The following FRK variants were observed in gnomAD, a reference collection of about 807,000 sequenced individuals.
FRK encodes fyn related Src family tyrosine kinase.
A neutral mutation model predicts 56.4 loss-of-function variants in FRK; 51 were observed. That is an observed-to-expected ratio of 0.90 (90% CI 0.72 to 1.14). FRK has a LOEUF of 1.14. FRK is among the 50% of genes most tolerant of loss of function. The pLI is 0.00. For missense variants in FRK, 570 were observed against 601.4 expected (o/e 0.95, Z 0.55); for synonymous variants, 245 against 217.9 (o/e 1.12, Z -1.10).
intron 5 of FRK, among the ~76,000 whole-genome samples, chr6:115,949,925 A>G (rs761817268): frequency 1.3e-5 from 2 of 152,192 alleles, no homozygotes; most frequent in Non-Finnish European, 2.9e-5. Context: ...AAAACAACCA[A>G]TGGGGAAAGG....
intron 2 of FRK, among the ~76,000 whole-genome samples, chr6:115,984,755 A>T (rs1007841836): frequency 3.7e-5 from 2 of 54,014 alleles, no homozygotes; most frequent in African/African-American, 1.3e-4. Flanking sequence ...AGGGGAGATT[A>T]AAAAAAAAAA....
At chr6:116,001,249 A>G (rs1432542903) in intron 2 of FRK, among the ~76,000 whole-genome samples, 6 of 151,916 alleles carry the variant, frequency 3.9e-5, no homozygotes, top group Non-Finnish European at 8.8e-5. Context: ...AAAAAAAAAA[A>G]AGAAAAGAAA....
At chr6:115,994,999 C>T (rs1471773674) in intron 2 of FRK, among the ~76,000 whole-genome samples, 1 of 152,146 alleles carries the variant, frequency 6.6e-6, no homozygotes, top group Non-Finnish European at 1.5e-5. Context: ...TCTTGCCTCT[C>T]TAAAACAGGG....
the FRK span, among the ~76,000 whole-genome samples, chr6:116,090,939 A>G: frequency 6.6e-6 from 1 of 152,242 alleles, no homozygotes; most frequent in Non-Finnish European, 1.5e-5. Context: ...GCAAAACTTA[A>G]CATTTAATTA....
At chr6:116,091,423 T>G in the FRK span, among the ~76,000 whole-genome samples, 1 of 152,168 alleles carries the variant, frequency 6.6e-6, no homozygotes, top group East Asian at 1.9e-4. Context: ...CTTTCGCTCT[T>G]CACAATAAAT....
At chr6:116,091,791 TG>T in the FRK span, among the ~76,000 whole-genome samples, 1 of 152,108 alleles carries the variant, frequency 6.6e-6, no homozygotes, top group African/African-American at 2.4e-5. Context: ...TTGGGAGCAT[TG>T]GTTTGCCTGG....
At chr6:116,040,463 A>G (rs982833677) in intron 1 of FRK, among the ~76,000 whole-genome samples, 2 of 152,210 alleles carry the variant, frequency 1.3e-5, no homozygotes, top group African/African-American at 4.8e-5. Context: ...TACATTTGCA[A>G]ACAATATATT....
At chr6:116,055,932 GTTGTTAT>G (rs1777378690) in intron 1 of FRK, among the ~76,000 whole-genome samples, 1 of 152,156 alleles carries the variant, frequency 6.6e-6, no homozygotes, top group Admixed American at 6.5e-5. Flanking sequence ...ACATTTCATT[GTTGTTAT>G]CATAACTTAA....
the FRK span, among the ~76,000 whole-genome samples, chr6:116,078,019 G>A: frequency 6.6e-6 from 1 of 152,154 alleles, no homozygotes; most frequent in African/African-American, 2.4e-5. Context: ...AATTAGCAGG[G>A]CATGGTAGCA....
rs548225772 is a variant in FRK, at chr6:116,059,753, T to A, written c.344+215A>T. The stretch of plus-strand genomic sequence containing the variant: ...TACACCCTGGACCTGTGGATGTACA[T>A]ACTGTAATTGAAGTCATCTCAACAA... On this transcript the variant is annotated intron_variant, in intron 1 of 7. Coordinates refer to ENST00000606080, the MANE Select transcript of FRK (RefSeq NM_002031.3). Among the ~76,000 whole-genome samples the A allele has an allele frequency of 3.9e-5, 6 of 152,336 alleles. No individual in the cohort carries two copies. In the East Asian group the frequency reaches 1.2e-3, roughly 29 times the overall value.
At chr6:115,953,599 G>A (rs1400986505) in intron 5 of FRK, among the ~76,000 whole-genome samples, 1 of 152,122 alleles carries the variant, frequency 6.6e-6, no homozygotes, top group African/African-American at 2.4e-5. Flanking sequence ...ACAAATGAAG[G>A]CACCGATAAA....
chr6:116,082,056 G>A, the FRK span, among the ~76,000 whole-genome samples: 2 of 152,136 alleles, frequency 1.3e-5, no homozygotes, highest in Non-Finnish European at 2.9e-5. Context: ...TATAATTTAA[G>A]CAAAAATATA....
chr6:116,020,313 T>C (rs999416371), intron 1 of FRK, among the ~76,000 whole-genome samples: 2 of 152,118 alleles, frequency 1.3e-5, no homozygotes, highest in Non-Finnish European at 1.5e-5. Flanking sequence ...TTGTTTTTTT[T>C]TGGAGTTTTG....
chr6:116,021,380 C>T (rs577341779), intron 1 of FRK, among the ~76,000 whole-genome samples: 2 of 152,122 alleles, frequency 1.3e-5, no homozygotes, highest in Admixed American at 6.5e-5. Flanking sequence ...TCATAATTGA[C>T]ATATATGATC....
At chr6:115,984,220 G>A (rs1048163683) in intron 2 of FRK, among the ~76,000 whole-genome samples, 1 of 151,896 alleles carries the variant, frequency 6.6e-6, no homozygotes, top group East Asian at 1.9e-4. Context: ...TTCTCCTACT[G>A]GACTTTGAGC....
At chr6:116,003,761 T>C (rs1775147527) in intron 2 of FRK, 116 bp downstream of exon 2, 2 of 1,092,980 alleles carry the variant, frequency 1.8e-6, no homozygotes, top group Non-Finnish European at 2.6e-6. Flanking sequence ...ATTTTGGTGC[T>C]ACTGTAAAGA....
the FRK span, among the ~76,000 whole-genome samples, chr6:116,079,385 T>C: frequency 6.6e-6 from 1 of 150,706 alleles, no homozygotes; most frequent in Non-Finnish European, 1.5e-5. Context: ...CTTTTGCCTA[T>C]TTCTGCATTG....
chr6:116,012,795 T>C (rs1394129652), intron 1 of FRK, among the ~76,000 whole-genome samples: 1 of 152,238 alleles, frequency 6.6e-6, no homozygotes, highest in Admixed American at 6.5e-5. Flanking sequence ...AGAAGGCTTA[T>C]CTGCTATGGA....
intron 1 of FRK, among the ~76,000 whole-genome samples, chr6:116,040,908 G>A (rs1330926603): frequency 2.0e-5 from 3 of 151,882 alleles, no homozygotes; most frequent in Non-Finnish European, 4.4e-5. Context: ...TGATAAACTA[G>A]AATATTTTAT....
Sources: allele counts gnomAD v4.1 joint callset (sites outside exome capture counted in the v4.1 genomes callset), GRCh38; gene constraint gnomAD v4.1.1; transcripts MANE v1.5; gene names NCBI Gene and HGNC (gene_info 2026-07-23, HGNC 2026-07-21).